GAB2: variants seen among roughly 807,000 people sequenced by gnomAD.
The protein encoded by GAB2 is GRB2-associated-binding protein 2.
In GAB2, 26 loss-of-function variants were observed where a neutral mutation model predicts 65.5. The observed-to-expected ratio is 0.40, with a 90% CI of 0.29 to 0.55. GAB2 has a LOEUF of 0.55. GAB2 is among the 20% of genes least tolerant of loss of function. GAB2 has a pLI of 0.53. For synonymous variants in GAB2, 321 were observed against 329.6 expected (o/e 0.97, Z 0.28); for missense variants, 884 against 875.8 (o/e 1.01, Z -0.12).
At chr11:78,303,913 T>C (rs932481991) in intron 1 of GAB2, among the ~76,000 whole-genome samples, 3 of 152,204 alleles carry the variant, frequency 2.0e-5, no homozygotes, top group Non-Finnish European at 4.4e-5. Context: ...CTCATTCTCA[T>C]GTCCTTGAAA....
At chr11:78,231,618 G>C (rs1864856337) in intron 3 of GAB2, among the ~76,000 whole-genome samples, 1 of 152,202 alleles carries the variant, frequency 6.6e-6, no homozygotes, top group Non-Finnish European at 1.5e-5. Context: ...AAAGTGCTGG[G>C]ATTACAGGCG....
Position 78,226,653 on chromosome 11 carries a change from G to C in GAB2, c.1019C>G (p.Thr340Arg). 1 of 1,614,044 alleles carries C rather than the reference G, an allele frequency of 6.2e-7. No individual in the cohort carries two copies. Among genetic ancestry groups the C allele is most frequent in the South Asian group, 1.1e-5 (1 of 91,080 alleles). The change falls in exon 4 of 10, where the codon ACA becomes AGA. Residue 340 changes from threonine (T) to arginine (R), a missense_variant. Physicochemically the swap from Thr to Arg is moderately conservative, Grantham distance 71 (BLOSUM62 -1). Transcript: ENST00000361507. The stretch of plus-strand genomic sequence containing the variant: ...GGCTGAGTCCCCAGGAGTGGCCACT[G>C]TCATGGCATTGTGGTTTTTGTCCAG... ...FTLDKNHNAM[T>R]VATPGDSAIA...
At chr11:78,241,141 G>A (rs1036499240) in intron 3 of GAB2, among the ~76,000 whole-genome samples, 9 of 152,296 alleles carry the variant, frequency 5.9e-5, no homozygotes, top group African/African-American at 1.7e-4. Flanking sequence ...TGCTACCACC[G>A]CTGCTGCACA....
At chr11:78,300,559 ATTG>A (rs950044353) in intron 1 of GAB2, among the ~76,000 whole-genome samples, 5 of 150,942 alleles carry the variant, frequency 3.3e-5, no homozygotes, top group African/African-American at 1.2e-4. Flanking sequence ...GTTTTCTGAA[ATTG>A]TTGTACTGTT....
intron 1 of GAB2, among the ~76,000 whole-genome samples, chr11:78,364,861 T>C (rs1414988231): frequency 6.6e-6 from 1 of 152,210 alleles, no homozygotes; most frequent in African/African-American, 2.4e-5. Flanking sequence ...ACATATGTAA[T>C]GTTGGGAAAA....
intron 1 of GAB2, among the ~76,000 whole-genome samples, chr11:78,336,996 G>GTT (rs1207495152): frequency 1.3e-5 from 2 of 152,192 alleles, no homozygotes; most frequent in Non-Finnish European, 2.9e-5. Flanking sequence ...AAATCTGACT[G>GTT]TGAGTACTCC....
intron 1 of GAB2, among the ~76,000 whole-genome samples, chr11:78,411,898 C>T (rs775121244): frequency 5.9e-5 from 9 of 152,052 alleles, no homozygotes; most frequent in Admixed American, 1.3e-4. Context: ...GGCATGGTGG[C>T]GCACACCTGT....
At chr11:78,254,751 A>G (rs1865549144) in intron 2 of GAB2, among the ~76,000 whole-genome samples, 1 of 152,034 alleles carries the variant, frequency 6.6e-6, no homozygotes, top group Non-Finnish European at 1.5e-5. Context: ...GTGGGCTATG[A>G]TCGCGCCACT....
intron 3 of GAB2, among the ~76,000 whole-genome samples, chr11:78,230,005 A>T (rs1000342286): frequency 6.6e-6 from 1 of 152,182 alleles, no homozygotes; most frequent in African/African-American, 2.4e-5. Context: ...TGTTACCTAT[A>T]TTAGGCACCA....
chr11:78,231,336 G>GGGGT (rs1554975138), intron 3 of GAB2, among the ~76,000 whole-genome samples: 1 of 145,796 alleles, frequency 6.9e-6, no homozygotes. Context: ...GCGCGTGTGT[G>GGGGT]GTGTGTGTGT....
chr11:78,399,197 A>C (rs1856939464), intron 1 of GAB2, among the ~76,000 whole-genome samples: 1 of 152,232 alleles, frequency 6.6e-6, no homozygotes, highest in African/African-American at 2.4e-5. Context: ...CTGCCTTACA[A>C]GTGGCATCAA....
At chr11:78,312,161 T>C (rs1855512891) in intron 1 of GAB2, among the ~76,000 whole-genome samples, 1 of 150,574 alleles carries the variant, frequency 6.6e-6, no homozygotes, top group Non-Finnish European at 1.5e-5. Context: ...CTGTAAACTC[T>C]GAGCCAGCAT....
intron 1 of GAB2, among the ~76,000 whole-genome samples, chr11:78,357,490 G>C (rs1271544749): frequency 6.6e-6 from 1 of 152,068 alleles, no homozygotes; most frequent in Non-Finnish European, 1.5e-5. Context: ...CTACAGAATG[G>C]GAGAAAATTT....
chr11:78,356,113 C>T (rs1856355012), intron 1 of GAB2, among the ~76,000 whole-genome samples: 1 of 147,752 alleles, frequency 6.8e-6, no homozygotes, highest in African/African-American at 2.5e-5. Context: ...GTGGTGGTTG[C>T]AGTAAGCCAA....
intron 1 of GAB2, among the ~76,000 whole-genome samples, chr11:78,316,533 A>C (rs1023885235): frequency 6.6e-6 from 1 of 152,244 alleles, no homozygotes; most frequent in African/African-American, 2.4e-5. Flanking sequence ...ACCAAGAAGC[A>C]CATGAAAAGA....
At chr11:78,250,715 C>G (rs899816260) in intron 2 of GAB2, among the ~76,000 whole-genome samples, 1 of 152,124 alleles carries the variant, frequency 6.6e-6, no homozygotes, top group African/African-American at 2.4e-5. Flanking sequence ...CAGGCAAGGT[C>G]TGCCTCTAGA....
rs1555000328 is a variant in GAB2 at position 78,401,505 on chromosome 11, C to CATGTGTGTGT, written c.75+16140_75+16141insACACACACAT. ...TTCCCTTTTAAGGCTGAACAGTATT[C>CATGTGTGTGT]GTGTGTGTGTGTGTGTGTGTGTGTG... On this transcript the variant is annotated intron_variant, in intron 1 of 9. Coordinates refer to ENST00000361507, the MANE Select transcript of GAB2 (RefSeq NM_080491.3). Among the ~76,000 whole-genome samples the CATGTGTGTGT allele has an allele frequency of 3.2e-5, 4 of 124,936 alleles. No individual in the cohort carries two copies. The Admixed American group carries it at 3.3e-4, about 10-fold the overall frequency. 82.0% of individuals were successfully genotyped at this position (124,936 alleles called of 152,430 possible).
chr11:78,367,250 G>A (rs1399515174), intron 1 of GAB2, among the ~76,000 whole-genome samples: 1 of 152,154 alleles, frequency 6.6e-6, no homozygotes, highest in African/African-American at 2.4e-5. Flanking sequence ...CAACATTCTG[G>A]TCATGAGAAA....
chr11:78,274,008 T>C (rs1387922503), intron 2 of GAB2, among the ~76,000 whole-genome samples: 2 of 152,232 alleles, frequency 1.3e-5, no homozygotes, highest in Non-Finnish European at 2.9e-5. Context: ...ACCTGTTTTT[T>C]TTTTTGTTTT....
Sources: allele counts gnomAD v4.1 joint callset (sites outside exome capture counted in the v4.1 genomes callset), GRCh38; gene constraint gnomAD v4.1.1; transcripts MANE v1.5; gene names NCBI Gene and HGNC (gene_info 2026-07-23, HGNC 2026-07-21).